FSTL5: variants seen among roughly 807,000 people sequenced by gnomAD.
The protein encoded by FSTL5 is follistatin like 5.
FSTL5 carries 62 observed loss-of-function variants against 89.1 expected under a neutral mutation model. The observed-to-expected ratio is 0.70, with a 90% confidence interval of 0.57 to 0.86. The LOEUF (loss-of-function observed/expected upper bound fraction) is 0.86, where lower values mean the gene tolerates loss of function less well. Among genes scored for constraint, FSTL5 ranks in the 40% least tolerant of loss-of-function variants. The pLI is 0.00. For synonymous variants in FSTL5, 383 were observed against 346.2 expected, an observed-to-expected ratio of 1.11 and a Z score of -1.18; for missense variants, 1,057 against 1,001.6, an observed-to-expected ratio of 1.06 and a Z score of -0.75.
At chr4:162,153,691 ATATATATGTATAT>A (rs1317042944) in intron 1 of FSTL5, among the ~76,000 whole-genome samples, 2 of 83,218 alleles carry the variant, frequency 2.4e-5, no homozygotes, top group Non-Finnish European at 5.5e-5. Flanking sequence ...GTATATAATA[ATATATATGTATAT>A]TATATATGTA....
At chr4:162,129,697 C>T (rs1434782769) in intron 1 of FSTL5, among the ~76,000 whole-genome samples, 1 of 152,156 alleles carries the variant, frequency 6.6e-6, no homozygotes, top group African/African-American at 2.4e-5. Flanking sequence ...AAAAATAATC[C>T]TCTCAAATTT....
At chr4:161,991,823 A>G (rs1736119141) in intron 3 of FSTL5, among the ~76,000 whole-genome samples, 1 of 152,206 alleles carries the variant, frequency 6.6e-6, no homozygotes, top group South Asian at 2.1e-4. Flanking sequence ...GAAGGGGTAG[A>G]GGATAGGAAG....
intron 15 of FSTL5, among the ~76,000 whole-genome samples, chr4:161,416,034 C>G (rs1164613413): frequency 6.6e-6 from 1 of 151,990 alleles, no homozygotes; most frequent in Non-Finnish European, 1.5e-5. Context: ...AATTCCACAT[C>G]TTTATTCGTT....
At chr4:161,642,189 GAGA>G (rs1280538072) in intron 7 of FSTL5, among the ~76,000 whole-genome samples, 1 of 151,900 alleles carries the variant, frequency 6.6e-6, no homozygotes, top group Non-Finnish European at 1.5e-5. Flanking sequence ...TGTGTGTAGT[GAGA>G]ACACATAAAG....
intron 8 of FSTL5, among the ~76,000 whole-genome samples, chr4:161,547,590 T>C (rs917278860): frequency 4.6e-5 from 7 of 151,878 alleles, no homozygotes; most frequent in Admixed American, 3.9e-4. Flanking sequence ...AATACTAAAA[T>C]GGTAATATAC....
At chr4:161,970,550 T>G (rs1735451071) in intron 3 of FSTL5, among the ~76,000 whole-genome samples, 1 of 152,032 alleles carries the variant, frequency 6.6e-6, no homozygotes, top group African/African-American at 2.4e-5. Flanking sequence ...AACTTACAAA[T>G]TTCAAGAATC....
chr4:162,036,181 T>C (rs1578971403), intron 2 of FSTL5, among the ~76,000 whole-genome samples: 1 of 152,204 alleles, frequency 6.6e-6, no homozygotes, highest in Non-Finnish European at 1.5e-5. Context: ...AACCTCACCA[T>C]TGAACTTCAG....
intron 11 of FSTL5, among the ~76,000 whole-genome samples, chr4:161,505,969 C>A (rs558676799): frequency 9.9e-5 from 15 of 152,272 alleles, no homozygotes; most frequent in African/African-American, 2.6e-4. Context: ...TCCCCTCCCC[C>A]CAATGCCATG....
At position 161,950,130 on chromosome 4, in the gene FSTL5, C is replaced by A. The variant is rs569298758; in HGVS notation, c.161-29478G>T. On this transcript the variant is annotated intron_variant, in intron 3 of 15. Coordinates refer to ENST00000306100, the MANE Select transcript of FSTL5 (RefSeq NM_020116.5). ...TTTGAAATAGTTCTGAGCTGGACTA[C>A]TGATTCAGTTAGAATGAATTCAGTG... is the stretch of plus-strand genomic sequence containing the variant. Among the ~76,000 whole-genome samples, 53 of 152,234 alleles carry A rather than the reference C, an allele frequency of 3.5e-4. 1 individual carries two copies. Among genetic ancestry groups the A allele is most frequent in the African/African-American group, 1.2e-3 (51 of 41,562 alleles).
At chr4:162,050,301 A>C (rs1287891929) in intron 2 of FSTL5, among the ~76,000 whole-genome samples, 1 of 151,382 alleles carries the variant, frequency 6.6e-6, no homozygotes, top group East Asian at 1.9e-4. Flanking sequence ...CAGGAAAAAT[A>C]ATTATATTGA....
rs574335538 is a variant in FSTL5 at position 161,525,652 on chromosome 4, A to G, written c.1312+12514T>C. Among the ~76,000 whole-genome samples, 27 of 152,320 alleles carry G rather than the reference A, an allele frequency of 1.8e-4. 1 individual carries two copies. In the South Asian group the frequency reaches 4.1e-3, roughly 23 times the overall value. ...CAGTTTCTGGATGTATGGGAATTCA[A>G]TGCGACTCTAATGTGTGACATTGCT... On this transcript the variant is annotated intron_variant, in intron 10 of 15. Transcript: ENST00000306100.
chr4:162,028,292 A>G, intron 3 of FSTL5, among the ~76,000 whole-genome samples: 1 of 152,150 alleles, frequency 6.6e-6, no homozygotes, highest in Non-Finnish European at 1.5e-5. Context: ...TAATGCATGT[A>G]TTGGCCAGGT....
intron 6 of FSTL5, among the ~76,000 whole-genome samples, chr4:161,703,108 A>G (rs950508579): frequency 6.6e-6 from 1 of 152,084 alleles, no homozygotes; most frequent in African/African-American, 2.4e-5. Flanking sequence ...TCTACAAGCA[A>G]AGGAGAGAGG....
At chr4:161,636,797 A>C (rs1397547660) in intron 7 of FSTL5, among the ~76,000 whole-genome samples, 1 of 140,434 alleles carries the variant, frequency 7.1e-6, no homozygotes, top group Non-Finnish European at 1.5e-5. Context: ...TGAACTCATC[A>C]TTTTTTATGG....
intron 2 of FSTL5, among the ~76,000 whole-genome samples, chr4:162,052,300 TAAC>T (rs1172497697): frequency 1.3e-5 from 2 of 150,890 alleles, no homozygotes; most frequent in Admixed American, 1.3e-4. Context: ...AAATCAATCA[TAAC>T]AAAAAAAAAG....
At chr4:161,769,867 T>C (rs1741147262) in intron 5 of FSTL5, among the ~76,000 whole-genome samples, 1 of 151,704 alleles carries the variant, frequency 6.6e-6, no homozygotes, top group South Asian at 2.1e-4. Context: ...CAAATTACTG[T>C]TGTTTGCAGG....
intron 7 of FSTL5, among the ~76,000 whole-genome samples, chr4:161,599,090 A>T (rs1734140355): frequency 6.6e-6 from 1 of 152,134 alleles, no homozygotes; most frequent in Admixed American, 6.6e-5. Flanking sequence ...ATTATCTGTA[A>T]CTGATAAAGG....
Position 161,610,319 on chromosome 4 carries a change from T to C in FSTL5, c.895-22744A>G, listed in dbSNP as rs989595751. 3.9e-5 allele frequency among the ~76,000 whole-genome samples: 6 copies of C among 152,164 alleles called. No individual in the cohort carries two copies. In the East Asian group the frequency reaches 9.6e-4, roughly 24 times the overall value. ...CTGTAAATCACAAAACTGTAGTCTT[T>C]ATTATAGAATCTTTAAGCTAGCAAC... is the stretch of plus-strand genomic sequence containing the variant. On this transcript the variant is annotated intron_variant, in intron 7 of 15. Coordinates refer to ENST00000306100, the MANE Select transcript of FSTL5 (RefSeq NM_020116.5).
intron 7 of FSTL5, among the ~76,000 whole-genome samples, chr4:161,653,795 TAAAC>T (rs1171933493): frequency 6.6e-6 from 1 of 152,084 alleles, no homozygotes; most frequent in African/African-American, 2.4e-5. Context: ...CTATAGTACT[TAAAC>T]AAAAACACCA....
Sources: gnomAD v4.1 joint callset for allele counts (sites outside exome capture counted in the v4.1 genomes callset) on GRCh38, gnomAD v4.1.1 for gene constraint, MANE v1.5 for transcripts, NCBI Gene and HGNC (gene_info 2026-07-23, HGNC 2026-07-21) for gene names.